SASH1: variants seen among roughly 807,000 people sequenced by gnomAD.
SASH1 encodes the protein SAM and SH3 domain containing 1.
SASH1 carries 44 observed loss-of-function variants against 125.2 expected under a neutral mutation model. That is an observed-to-expected ratio of 0.35 (90% CI 0.28 to 0.45). The LOEUF (loss-of-function observed/expected upper bound fraction) is 0.45. SASH1 is among the 20% of genes least tolerant of loss of function. The probability of loss-of-function intolerance (pLI) is 1.00; values close to 1 mark genes in which losing one functional copy is unlikely to be tolerated. For synonymous variants in SASH1, 639 were observed against 649.1 expected (o/e 0.98, Z 0.24); for missense variants, 1,426 against 1,614.5 (o/e 0.88, Z 2.00).
chr6:148,440,114 A>T, intron 2 of SASH1, 70 bp from the exon 3 acceptor site: 1 of 1,432,384 alleles, frequency 7.0e-7, no homozygotes, highest in Non-Finnish European at 9.9e-7. Flanking sequence ...CTCTTCTTAC[A>T]TGTCTATTTG....
chr6:148,242,486 A>G, the SASH1 span, among the ~76,000 whole-genome samples: 3 of 152,172 alleles, frequency 2.0e-5, no homozygotes, highest in Non-Finnish European at 4.4e-5. Context: ...AAAGACTCCA[A>G]TTTCTAGTGT....
chr6:148,362,207 G>A (rs554972009), intron 1 of SASH1, among the ~76,000 whole-genome samples: 56 of 148,962 alleles, frequency 3.8e-4, no homozygotes, highest in Admixed American at 1.4e-3. Flanking sequence ...GATTACAGGC[G>A]TGAGCCACCG....
chr6:148,432,749 A>T (rs948312447), intron 2 of SASH1, among the ~76,000 whole-genome samples: 2 of 152,194 alleles, frequency 1.3e-5, no homozygotes, highest in African/African-American at 4.8e-5. Flanking sequence ...AGGGAGGAGG[A>T]ACGTGTGGAT....
chr6:148,433,017 C>T (rs148151519), intron 2 of SASH1, among the ~76,000 whole-genome samples: 12 of 152,240 alleles, frequency 7.9e-5, no homozygotes, highest in East Asian at 5.8e-4. Context: ...ACATTTGTTT[C>T]GGTTTTGGTT....
intron 1 of SASH1, among the ~76,000 whole-genome samples, chr6:148,387,452 C>CTT (rs1583063948): frequency 6.6e-6 from 1 of 151,344 alleles, no homozygotes; most frequent in East Asian, 1.9e-4. Flanking sequence ...CTTCTCTTCC[C>CTT]TTTTCTTCTC....
At chr6:148,434,639 T>C (rs1583154099) in intron 2 of SASH1, among the ~76,000 whole-genome samples, 1 of 152,228 alleles carries the variant, frequency 6.6e-6, no homozygotes, top group Admixed American at 6.5e-5. Context: ...AAGGTATCCA[T>C]ATGTGACTTA....
rs527771468 is a variant in SASH1 at position 148,353,773 on chromosome 6, C to T, written c.156+10550C>T. Among the ~76,000 whole-genome samples, 2 of 152,100 alleles carry T rather than the reference C, an allele frequency of 1.3e-5. 1 individual carries two copies. The highest frequency in any genetic ancestry group is 4.8e-5 in the African/African-American group (2 of 41,498). On this transcript the variant is annotated intron_variant, in intron 1 of 19. Coordinates refer to ENST00000367467, the MANE Select transcript of SASH1 (RefSeq NM_015278.5). Reference sequence around the variant, plus strand: ...TATTGATTTGATTGAGGTAATATGCCCTTTTTAATATGTAGCTTAAAAATA... The same window carrying T: ...TATTGATTTGATTGAGGTAATATGCTCTTTTTAATATGTAGCTTAAAAATA...
the SASH1 span, among the ~76,000 whole-genome samples, chr6:148,203,797 A>G: frequency 6.6e-6 from 1 of 152,222 alleles, no homozygotes; most frequent in Non-Finnish European, 1.5e-5. Flanking sequence ...CCAGAAACCT[A>G]CATAGCAGTC....
At chr6:148,531,310 G>GAAAT (rs953882149) in intron 12 of SASH1, among the ~76,000 whole-genome samples, 28 of 152,232 alleles carry the variant, frequency 1.8e-4, no homozygotes, top group African/African-American at 5.8e-4. Flanking sequence ...TCGAGAATGA[G>GAAAT]AAATAGTATT....
At chr6:148,219,305 C>A in the SASH1 span, among the ~76,000 whole-genome samples, 46 of 152,276 alleles carry the variant, frequency 3.0e-4, no homozygotes, top group Non-Finnish European at 5.0e-4. Context: ...TTTGCAGTAA[C>A]GTTGCCAATC....
intron 1 of SASH1, among the ~76,000 whole-genome samples, chr6:148,362,647 G>C (rs1035842445): frequency 2.0e-5 from 3 of 151,780 alleles, no homozygotes; most frequent in Admixed American, 2.0e-4. Context: ...TAAAATAGTG[G>C]AATTGAGCCT....
chr6:148,343,937 C>G (rs1781431065), intron 1 of SASH1, among the ~76,000 whole-genome samples: 1 of 152,164 alleles, frequency 6.6e-6, no homozygotes, highest in Non-Finnish European at 1.5e-5. Context: ...AGACTGGAAT[C>G]AGATGGGCGA....
the SASH1 span, among the ~76,000 whole-genome samples, chr6:148,205,702 C>T: frequency 6.6e-6 from 1 of 152,192 alleles, no homozygotes; most frequent in Non-Finnish European, 1.5e-5. Flanking sequence ...AACAGGTAGT[C>T]ATCACAAAAG....
At chr6:148,250,057 C>T in the SASH1 span, among the ~76,000 whole-genome samples, 10 of 152,222 alleles carry the variant, frequency 6.6e-5, no homozygotes, top group African/African-American at 2.2e-4. Context: ...CAAAGCCACA[C>T]AGCCTGAATG....
chr6:148,389,565 G>A (rs921418033), intron 1 of SASH1, among the ~76,000 whole-genome samples: 5 of 152,122 alleles, frequency 3.3e-5, no homozygotes, highest in African/African-American at 1.2e-4. Flanking sequence ...CTTTTCTGAG[G>A]GTCTCCTGAG....
intron 2 of SASH1, among the ~76,000 whole-genome samples, chr6:148,408,955 CCT>C (rs1407968649): frequency 2.0e-5 from 3 of 152,212 alleles, no homozygotes; most frequent in Non-Finnish European, 4.4e-5. Context: ...CCTCCCACCA[CCT>C]TTTTTGCCCG....
At chr6:148,219,963 A>G in the SASH1 span, among the ~76,000 whole-genome samples, 1 of 152,236 alleles carries the variant, frequency 6.6e-6, no homozygotes, top group African/African-American at 2.4e-5. Flanking sequence ...AGTGGCAACT[A>G]TAGCAAAGGT....
At chr6:148,193,864 A>G in the SASH1 span, among the ~76,000 whole-genome samples, 1 of 152,252 alleles carries the variant, frequency 6.6e-6, no homozygotes, top group Non-Finnish European at 1.5e-5. Flanking sequence ...AGCTATGGGC[A>G]TGTAAGGCTT....
intron 1 of SASH1, among the ~76,000 whole-genome samples, chr6:148,364,439 C>G (rs1013326357): frequency 1.3e-5 from 2 of 152,100 alleles, no homozygotes; most frequent in East Asian, 1.9e-4. Context: ...AAAAGAATGA[C>G]AGTGGAATCA....
Sources: allele counts gnomAD v4.1 joint callset (sites outside exome capture counted in the v4.1 genomes callset), GRCh38; gene constraint gnomAD v4.1.1; transcripts MANE v1.5; gene names NCBI Gene and HGNC (gene_info 2026-07-23, HGNC 2026-07-21).